Variants in KHDRBS2 observed in about 807,000 individuals in gnomAD.
KHDRBS2 encodes the protein KH RNA binding domain containing, signal transduction associated 2, also known as KH domain-containing, RNA-binding, signal transduction-associated protein 2.
A neutral mutation model predicts 44.3 loss-of-function variants in KHDRBS2; 26 were observed. That is an observed-to-expected ratio of 0.59 (90% CI 0.43 to 0.81). KHDRBS2 has a LOEUF of 0.81. Ranked by LOEUF, KHDRBS2 falls within the 40% of genes least tolerant of loss-of-function variation. The pLI is 0.00. For missense variants in KHDRBS2, 476 were observed against 433.1 expected, an observed-to-expected ratio of 1.10 and a Z score of -0.88; for synonymous variants, 194 against 151.1, an observed-to-expected ratio of 1.28 and a Z score of -2.08.
At chr6:61,669,653 G>C in the KHDRBS2 span, among the ~76,000 whole-genome samples, 2 of 150,892 alleles carry the variant, frequency 1.3e-5, no homozygotes, top group Non-Finnish European at 3.0e-5. Context: ...ACTTGGGGAA[G>C]ATATTTACTA....
chr6:61,870,443 G>T (rs1453499949), intron 6 of KHDRBS2, among the ~76,000 whole-genome samples: 2 of 152,180 alleles, frequency 1.3e-5, no homozygotes, highest in Non-Finnish European at 2.9e-5. Flanking sequence ...GCACCTGGGG[G>T]AAGGAGCGGC....
At chr6:61,946,940 C>G (rs1813491150) in intron 4 of KHDRBS2, among the ~76,000 whole-genome samples, 1 of 152,132 alleles carries the variant, frequency 6.6e-6, no homozygotes. Flanking sequence ...GGTCGTCCTT[C>G]CTTGTTTTAT....
chr6:61,777,125 C>T (rs1357854849), intron 6 of KHDRBS2, among the ~76,000 whole-genome samples: 2 of 151,532 alleles, frequency 1.3e-5, no homozygotes, highest in African/African-American at 2.4e-5. Flanking sequence ...ACATCACACA[C>T]CAGAGACTGT....
chr6:62,063,149 C>A (rs1396102342), intron 2 of KHDRBS2, among the ~76,000 whole-genome samples: 1 of 103,682 alleles, frequency 9.6e-6, no homozygotes, highest in African/African-American at 3.2e-5. Flanking sequence ...AGTTTACCAA[C>A]CAAAAAGAGT....
In KHDRBS2 at chr6:62,031,071, A is replaced by C. The variant is rs941012670; in HGVS notation, c.336+16807T>G. Among the ~76,000 whole-genome samples, 54 of 152,266 alleles carry C rather than the reference A, an allele frequency of 3.5e-4. 1 individual carries two copies. The highest frequency in any genetic ancestry group is 3.3e-4 in the Admixed American group (5 of 15,266). On this transcript the variant is annotated intron_variant, in intron 3 of 8. Transcript: ENST00000281156. ...TGCCTACTTATGCAATACTAGAAAA[A>C]GGATAGAAGATAGCAACAGAAAGCA...
At chr6:61,670,576 T>C in the KHDRBS2 span, among the ~76,000 whole-genome samples, 5 of 151,560 alleles carry the variant, frequency 3.3e-5, no homozygotes, top group African/African-American at 1.2e-4. Flanking sequence ...TAATTTTCCC[T>C]GTTTAAAGAT....
intron 3 of KHDRBS2, among the ~76,000 whole-genome samples, chr6:62,033,074 C>T (rs1236312019): frequency 6.6e-6 from 1 of 151,670 alleles, no homozygotes; most frequent in African/African-American, 2.4e-5. Context: ...AACTGGCATA[C>T]TAAAGAATAC....
rs1802552719 is a variant in KHDRBS2, at chr6:61,894,527, G to A, written c.810+108C>T. 11 of 857,164 alleles carry A rather than the reference G, an allele frequency of 1.3e-5. No individual in the cohort carries two copies. The South Asian group carries it at 1.8e-4, about 14-fold the overall frequency. 53.1% of individuals were successfully genotyped at this position (857,164 alleles called of 1,614,324 possible). A position where few individuals can be genotyped will look rare whatever the true frequency, so the allele number is the denominator to read the frequency against. ...TCTGTTGTAAATGACATTCGTTTCT[G>A]CAACAAACATTACCTGCTATATTCA... On this transcript the variant is annotated intron_variant, in intron 6 of 8. Coordinates refer to ENST00000281156, the MANE Select transcript of KHDRBS2 (RefSeq NM_152688.4).
chr6:61,556,872 A>ATTTTTTTTTTTTT, the KHDRBS2 span, among the ~76,000 whole-genome samples: 2 of 87,458 alleles, frequency 2.3e-5, no homozygotes, highest in African/African-American at 4.2e-5. Flanking sequence ...TGAAATTGAG[A>ATTTTTTTTTTTTT]TTTTTTTTTT....
intron 3 of KHDRBS2, among the ~76,000 whole-genome samples, chr6:62,006,481 AATTC>A (rs1269595276): frequency 2.6e-5 from 4 of 152,176 alleles, no homozygotes; most frequent in Admixed American, 2.6e-4. Context: ...TGAGCAAAGA[AATTC>A]ATAAGCACAG....
At chr6:61,548,433 T>G in the KHDRBS2 span, among the ~76,000 whole-genome samples, 2 of 152,120 alleles carry the variant, frequency 1.3e-5, no homozygotes, top group South Asian at 2.1e-4. Context: ...TGATTAAGTC[T>G]AGGATGAGGC....
chr6:61,812,838 T>C (rs1582967940), intron 6 of KHDRBS2, among the ~76,000 whole-genome samples: 1 of 152,212 alleles, frequency 6.6e-6, no homozygotes, highest in South Asian at 2.1e-4. Context: ...ATTTTTCTAA[T>C]ACCTTTGGCC....
intron 7 of KHDRBS2, among the ~76,000 whole-genome samples, chr6:61,711,764 A>G (rs1770550344): frequency 6.6e-6 from 1 of 151,852 alleles, no homozygotes; most frequent in African/African-American, 2.4e-5. Context: ...TCAGAAGAAA[A>G]CATCTAAGAT....
At chr6:61,874,040 A>G (rs946855111) in intron 6 of KHDRBS2, among the ~76,000 whole-genome samples, 2 of 152,042 alleles carry the variant, frequency 1.3e-5, no homozygotes, top group African/African-American at 2.4e-5. Context: ...CTCTATATAT[A>G]ATTCTTCACA....
intron 2 of KHDRBS2, among the ~76,000 whole-genome samples, chr6:62,055,462 T>A (rs1015114462): frequency 6.6e-6 from 1 of 152,048 alleles, no homozygotes; most frequent in Admixed American, 6.6e-5. Flanking sequence ...GAGAAACATG[T>A]ACTTATATAC....
At chr6:61,889,687 T>C (rs1801524230) in intron 6 of KHDRBS2, among the ~76,000 whole-genome samples, 1 of 152,202 alleles carries the variant, frequency 6.6e-6, no homozygotes, top group Non-Finnish European at 1.5e-5. Context: ...TTATCCATGA[T>C]GTAGGCAGAT....
chr6:61,909,527 G>GT (rs1228897809), intron 4 of KHDRBS2, among the ~76,000 whole-genome samples: 1 of 152,026 alleles, frequency 6.6e-6, no homozygotes, highest in Non-Finnish European at 1.5e-5. Context: ...TTTGTCCAAG[G>GT]TAAGGCCAAT....
the KHDRBS2 span, among the ~76,000 whole-genome samples, chr6:61,581,115 A>G: frequency 6.6e-6 from 1 of 152,180 alleles, no homozygotes; most frequent in Non-Finnish European, 1.5e-5. Context: ...CTCATCCCCA[A>G]TACAAACTCT....
At chr6:62,012,019 C>T (rs1780390511) in intron 3 of KHDRBS2, among the ~76,000 whole-genome samples, 1 of 152,094 alleles carries the variant, frequency 6.6e-6, no homozygotes, top group Non-Finnish European at 1.5e-5. Flanking sequence ...TAAAAAATGA[C>T]ATCTTACAAA....
Sources: gnomAD v4.1 joint callset for allele counts (sites outside exome capture counted in the v4.1 genomes callset) on GRCh38, gnomAD v4.1.1 for gene constraint, MANE v1.5 for transcripts, NCBI Gene and HGNC (gene_info 2026-07-23, HGNC 2026-07-21) for gene names.